Variants in DDX42 observed in about 807,000 individuals in gnomAD.
The protein encoded by DDX42 is ATP-dependent RNA helicase DDX42.
Under a neutral mutation model 101.5 loss-of-function variants are expected in DDX42, and 22 were observed. That is an observed-to-expected ratio of 0.22 (90% CI 0.15 to 0.31). The LOEUF (loss-of-function observed/expected upper bound fraction) is 0.31. DDX42 is among the 10% of genes least tolerant of loss of function. The pLI, the probability that DDX42 is intolerant of heterozygous loss-of-function variation, is 1.00. For missense variants in DDX42, 849 were observed against 1,199.9 expected (o/e 0.71, Z 4.32); for synonymous variants, 402 against 401.2 (o/e 1.00, Z -0.02).
chr17:63,796,448 C>T (rs1460331035), intron 3 of DDX42, among the ~76,000 whole-genome samples: 1 of 152,182 alleles, frequency 6.6e-6, no homozygotes, highest in African/African-American at 2.4e-5. Context: ...TCCCGAGTAG[C>T]TGAGATTACA....
intron 1 of DDX42, among the ~76,000 whole-genome samples, chr17:63,786,426 TC>T (rs2039548068): frequency 6.6e-6 from 1 of 152,178 alleles, no homozygotes; most frequent in South Asian, 2.1e-4. Flanking sequence ...TCTTTTCTTG[TC>T]TTTTCTTTTT....
chr17:63,784,736 T>C (rs2039525971), intron 1 of DDX42, among the ~76,000 whole-genome samples: 1 of 152,114 alleles, frequency 6.6e-6, no homozygotes, highest in South Asian at 2.1e-4. Flanking sequence ...ATCAGACCAC[T>C]GTAATGCAGC....
At chr17:63,778,098 G>C (rs1255566927) in intron 1 of DDX42, among the ~76,000 whole-genome samples, 1 of 152,200 alleles carries the variant, frequency 6.6e-6, no homozygotes, top group Non-Finnish European at 1.5e-5. Flanking sequence ...ATAAGCATCT[G>C]AATACTGACC....
At chr17:63,809,799 G>A (rs2039887357) in intron 11 of DDX42, 140 bp downstream of exon 11, 2 of 634,274 alleles carry the variant, frequency 3.2e-6, no homozygotes, top group Non-Finnish European at 5.5e-6. Flanking sequence ...ATATAGCTAA[G>A]ATGAACATTT....
chr17:63,784,974 C>G (rs1262507233), intron 1 of DDX42, among the ~76,000 whole-genome samples: 1 of 152,086 alleles, frequency 6.6e-6, no homozygotes, highest in Admixed American at 6.5e-5. Context: ...CACAGTATAT[C>G]ATTAGGTGAA....
intron 1 of DDX42, among the ~76,000 whole-genome samples, chr17:63,777,487 G>A (rs1341900666): frequency 3.5e-5 from 5 of 143,950 alleles, no homozygotes; most frequent in South Asian, 2.2e-4. Flanking sequence ...TCACTCTGTC[G>A]CCCAGGCTGG....
rs759909918 is a variant in DDX42 at position 63,816,858 on chromosome 17, A to AT, written c.2014-3dup. The stretch of plus-strand genomic sequence containing the variant: ...TTTTTTCATTCTCATAGATGTGTTT[A>AT]TTTTTTTAGGATCGAGGAAATAACA... On this transcript the variant is annotated splice_polypyrimidine_tract_variant and intron_variant, in intron 16 of 17. Transcript: ENST00000389924. 1.6e-4 allele frequency: 262 copies of AT among 1,608,246 alleles called. 1 individual carries two copies. In the Middle Eastern group the frequency reaches 5.3e-3, roughly 32 times the overall value.
At chr17:63,774,817 T>C (rs2039397971) in intron 1 of DDX42, 1 of 152,192 alleles carries the variant, frequency 6.6e-6, no homozygotes, top group African/African-American at 2.4e-5. Flanking sequence ...GCGATGATCT[T>C]TGTGCAGCGT....
Position 63,818,565 on chromosome 17 carries a change from G to A in DDX42, c.*167G>A. On this transcript the variant is annotated 3_prime_UTR_variant, in exon 18 of 18. Coordinates refer to ENST00000389924, the MANE Select transcript of DDX42 (RefSeq NM_203499.3). Reference sequence around the variant, plus strand: ...CCTTCATCAGAAGGAATTTTCGGATGTTTTCTTGGGAAGCTGTTTTGGTCC... The same window carrying A: ...CCTTCATCAGAAGGAATTTTCGGATATTTTCTTGGGAAGCTGTTTTGGTCC... 1.5e-6 allele frequency: 1 copy of A among 651,548 alleles called. No homozygotes were observed. Among genetic ancestry groups the A allele is most frequent in the Non-Finnish European group, 2.5e-6 (1 of 394,178 alleles). 40.4% of individuals were successfully genotyped at this position (651,548 alleles called of 1,614,324 possible).
intron 1 of DDX42, among the ~76,000 whole-genome samples, chr17:63,780,700 G>C (rs192711452): frequency 5.3e-5 from 8 of 152,302 alleles, no homozygotes; most frequent in Admixed American, 6.5e-5. Context: ...GCTAAGTCTT[G>C]AGAGCCAGTA....
chr17:63,813,738 A>G (rs2039940755), intron 15 of DDX42, among the ~76,000 whole-genome samples: 1 of 152,138 alleles, frequency 6.6e-6, no homozygotes, highest in Non-Finnish European at 1.5e-5. Flanking sequence ...AATCTCAAAG[A>G]TGGTTACTAT....
In DDX42 at chr17:63,789,841, G is replaced by A. The variant is rs151015787; in HGVS notation, c.221+2571G>A. Among the ~76,000 whole-genome samples, 719 of 152,204 alleles carry A rather than the reference G, an allele frequency of 4.7e-3. 4 individuals are homozygous for A. The highest frequency in any genetic ancestry group is 0.016 in the African/African-American group (655 of 41,514). On this transcript the variant is annotated intron_variant, in intron 2 of 17. Transcript: ENST00000389924. ...GCCTGCCTCGGCCTCCCAAAGTGCTGGGATTACAAGCATGAGCCACTGCAC... is the reference window on the plus strand; with the variant it reads ...GCCTGCCTCGGCCTCCCAAAGTGCTAGGATTACAAGCATGAGCCACTGCAC...
chr17:63,798,185 A>G, intron 4 of DDX42, 86 bp downstream of exon 4: 1 of 1,265,816 alleles, frequency 7.9e-7, no homozygotes, highest in Non-Finnish European at 1.1e-6. Context: ...TTATAGAGAA[A>G]AAATATTGAC....
chr17:63,793,985 G>A (rs556733085), intron 3 of DDX42, among the ~76,000 whole-genome samples: 7 of 151,492 alleles, frequency 4.6e-5, no homozygotes, highest in African/African-American at 9.7e-5. Context: ...ATCTAATTTC[G>A]CTTGCTTAGT....
chr17:63,791,905 G>T (rs1053247867), intron 2 of DDX42, among the ~76,000 whole-genome samples: 3 of 152,000 alleles, frequency 2.0e-5, no homozygotes, highest in African/African-American at 7.2e-5. Context: ...AAATTAGCCA[G>T]GCATGGTGGC....
intron 1 of DDX42, among the ~76,000 whole-genome samples, chr17:63,783,711 A>T (rs1029723321): frequency 6.6e-6 from 1 of 152,092 alleles, no homozygotes; most frequent in East Asian, 1.9e-4. Context: ...ATGAGTAAAG[A>T]CAGTTTCTAT....
intron 14 of DDX42, among the ~76,000 whole-genome samples, chr17:63,812,508 C>T (rs2039922806): frequency 6.6e-6 from 1 of 152,142 alleles, no homozygotes; most frequent in South Asian, 2.1e-4. Flanking sequence ...GATACCTTAC[C>T]CTTACATTGA....
At chr17:63,809,707 G>A (rs920002243) in intron 11 of DDX42, 48 bp downstream of exon 11, 29 of 1,484,682 alleles carry the variant, frequency 2.0e-5, no homozygotes, top group Non-Finnish European at 2.3e-5. Context: ...CATGATACTA[G>A]TTTTTTTTCC....
chr17:63,816,906 C>A lies in DDX42; in HGVS notation c.2052C>A (p.Ala684=), dbSNP rs539966054. 16 of 1,613,860 alleles carry A rather than the reference C, an allele frequency of 9.9e-6. No homozygotes were observed. The South Asian group carries it at 1.8e-4, about 18-fold the overall frequency. Residue 684 remains alanine, a synonymous_variant, in exon 17 of 18, where the codon GCC becomes GCA. Coordinates refer to ENST00000389924, the MANE Select transcript of DDX42 (RefSeq NM_203499.3). ...GNNNVMSNYE[A]YKPSTGAMGD... ...ACAATGTAATGAGCAATTATGAGGC[C>A]TACAAGCCTTCCACAGGAGCTATGG...
Sources: gnomAD v4.1 joint callset for allele counts (sites outside exome capture counted in the v4.1 genomes callset) on GRCh38, gnomAD v4.1.1 for gene constraint, MANE v1.5 for transcripts, NCBI Gene and HGNC (gene_info 2026-07-23, HGNC 2026-07-21) for gene names.